Variants in ATL1 observed in about 807,000 individuals in gnomAD.
The protein encoded by ATL1 is atlastin GTPase 1.
ATL1 carries 31 observed loss-of-function variants against 75.5 expected under a neutral mutation model. That is an observed-to-expected ratio of 0.41 (90% CI 0.31 to 0.55). The LOEUF is 0.55. ATL1 is among the 20% of genes least tolerant of loss of function. The pLI is 0.27. For synonymous variants in ATL1, 226 were observed against 233.3 expected (o/e 0.97, Z 0.28); for missense variants, 405 against 662.6 (o/e 0.61, Z 4.27).
chr14:50,596,790 GA>G (rs1283769427), intron 6 of ATL1, among the ~76,000 whole-genome samples: 1 of 151,918 alleles, frequency 6.6e-6, no homozygotes, highest in African/African-American at 2.4e-5. Flanking sequence ...GTGCTTGAAA[GA>G]AAACACACAT....
At chr14:50,597,783 C>T (rs1260388566) in intron 6 of ATL1, among the ~76,000 whole-genome samples, 3 of 152,104 alleles carry the variant, frequency 2.0e-5, no homozygotes, top group Non-Finnish European at 1.5e-5. Flanking sequence ...CAAGCTCCAC[C>T]TCTGGGATTC....
chr14:50,547,589 TTACATAAGG>T (rs2038649956), intron 1 of ATL1, among the ~76,000 whole-genome samples: 1 of 152,132 alleles, frequency 6.6e-6, no homozygotes, highest in Non-Finnish European at 1.5e-5. Flanking sequence ...AATCCAGAAG[TTACATAAGG>T]TACAGATAGG....
At chr14:50,632,143 T>A in intron 13 of ATL1, 86 bp from the exon 14 acceptor site, 1 of 776,800 alleles carries the variant, frequency 1.3e-6, no homozygotes. Flanking sequence ...TGCTAAATTT[T>A]ATACAGTACG....
intron 11 of ATL1, among the ~76,000 whole-genome samples, chr14:50,626,235 C>T (rs1269079895): frequency 6.6e-6 from 1 of 152,174 alleles, no homozygotes. Context: ...CTATAGCTGC[C>T]ATAGATAGTG....
At chr14:50,592,542 T>TAA (rs35475571) in intron 4 of ATL1, among the ~76,000 whole-genome samples, 116 of 149,214 alleles carry the variant, frequency 7.8e-4, no homozygotes, top group African/African-American at 1.1e-3. Flanking sequence ...GTAAAAGTCA[T>TAA]AAAAAAAAAA....
intron 1 of ATL1, among the ~76,000 whole-genome samples, chr14:50,571,319 T>A (rs540854725): frequency 1.3e-5 from 2 of 152,266 alleles, no homozygotes; most frequent in East Asian, 3.9e-4. Context: ...CTGCCTGCCA[T>A]GGGACTGGGA....
At chr14:50,535,915 A>G (rs990313952) in intron 1 of ATL1, among the ~76,000 whole-genome samples, 3 of 152,188 alleles carry the variant, frequency 2.0e-5, no homozygotes, top group African/African-American at 7.2e-5. Flanking sequence ...TGCTGTTTTC[A>G]TGATAGTGAA....
intron 13 of ATL1, among the ~76,000 whole-genome samples, chr14:50,630,737 T>C (rs2039571623): frequency 6.6e-6 from 1 of 152,192 alleles, no homozygotes; most frequent in South Asian, 2.1e-4. Context: ...CAAATACCAT[T>C]TACTATTTAC....
chr14:50,567,899 C>A (rs3015462), intron 1 of ATL1, among the ~76,000 whole-genome samples: 30,794 of 152,094 alleles, frequency 0.2, 3,886 homozygotes, highest in Middle Eastern at 0.29. Flanking sequence ...AATATGTGGA[C>A]TCCCTTATAG....
At chr14:50,601,689 T>C (rs1430295324) in intron 6 of ATL1, among the ~76,000 whole-genome samples, 2 of 152,344 alleles carry the variant, frequency 1.3e-5, no homozygotes, top group East Asian at 3.9e-4. Flanking sequence ...AGTTATTTTC[T>C]CACCTGTTTT....
intron 12 of ATL1, 112 bp from the exon 13 acceptor site, chr14:50,629,883 A>ATATGT (rs1595626871): frequency 5.7e-6 from 2 of 348,642 alleles, no homozygotes; most frequent in South Asian, 5.1e-5. Context: ...CTGCAGGAGT[A>ATATGT]TCTGTTCTGA....
intron 1 of ATL1, chr14:50,561,238 A>C (rs2038841118): frequency 6.6e-6 from 1 of 152,262 alleles, no homozygotes; most frequent in Non-Finnish European, 1.5e-5. Flanking sequence ...TAGTGTGGGC[A>C]GGCTGGGCGT....
At chr14:50,617,765 G>T (rs2039428774) in intron 8 of ATL1, among the ~76,000 whole-genome samples, 1 of 152,140 alleles carries the variant, frequency 6.6e-6, no homozygotes, top group Non-Finnish European at 1.5e-5. Context: ...TTGACCACTT[G>T]CAAGGCCAAA....
intron 2 of ATL1, among the ~76,000 whole-genome samples, chr14:50,590,346 T>C (rs944841043): frequency 3.9e-5 from 6 of 152,288 alleles, no homozygotes; most frequent in Non-Finnish European, 8.8e-5. Flanking sequence ...CTGACTCCCT[T>C]AAGGACCTTA....
chr14:50,543,544 C>T (rs1205731540), intron 1 of ATL1, among the ~76,000 whole-genome samples: 1 of 152,138 alleles, frequency 6.6e-6, no homozygotes, highest in Non-Finnish European at 1.5e-5. Context: ...AGTGTGGCAG[C>T]AGAGTCATGC....
intron 1 of ATL1, 149 bp downstream of exon 1, chr14:50,560,448 G>A (rs2038823772): frequency 1.8e-6 from 2 of 1,098,404 alleles, no homozygotes; most frequent in Non-Finnish European, 2.7e-6. Flanking sequence ...TCCCTGTTTG[G>A]GCGGAGGAAC....
rs532754897 is a variant in ATL1 at position 50,604,376 on chromosome 14, G to A, written c.630+8744G>A. ...CCCTCTCATTAATTAAATTATACAT[G>A]ACTTATGAGCAAGAACTTTGTCATT... On this transcript the variant is annotated intron_variant, in intron 6 of 13. Coordinates refer to ENST00000358385, the MANE Select transcript of ATL1 (RefSeq NM_015915.5). Among the ~76,000 whole-genome samples the A allele has an allele frequency of 1.6e-4, 24 of 152,126 alleles. No individual in the cohort carries two copies. The South Asian group carries it at 4.8e-3, about 30-fold the overall frequency.
chr14:50,609,348 A>G (rs2039342963), intron 6 of ATL1, among the ~76,000 whole-genome samples: 1 of 152,032 alleles, frequency 6.6e-6, no homozygotes, highest in Admixed American at 6.6e-5. Flanking sequence ...GAATGAATAG[A>G]TAAACTAAAA....
intron 1 of ATL1, among the ~76,000 whole-genome samples, chr14:50,564,051 A>C (rs1324597815): frequency 6.6e-6 from 1 of 152,190 alleles, no homozygotes; most frequent in Non-Finnish European, 1.5e-5. Context: ...CAACAAGCTT[A>C]TCTAGGATTA....
Sources: gnomAD v4.1 joint callset for allele counts (sites outside exome capture counted in the v4.1 genomes callset) on GRCh38, gnomAD v4.1.1 for gene constraint, MANE v1.5 for transcripts, NCBI Gene and HGNC (gene_info 2026-07-23, HGNC 2026-07-21) for gene names.